Variants in ZNF771 observed in about 807,000 individuals in gnomAD.
The protein encoded by ZNF771 is mesenchymal stem cell protein DSC43.
Under a neutral mutation model 27.6 loss-of-function variants are expected in ZNF771, and 10 were observed. That is an observed-to-expected ratio of 0.36 (90% CI 0.22 to 0.61). ZNF771 has a LOEUF of 0.61. Among genes scored for constraint, ZNF771 ranks in the 20% least tolerant of loss-of-function variants. The pLI, the probability that ZNF771 is intolerant of heterozygous loss-of-function variation, is 0.70. For missense variants in ZNF771, 438 were observed against 503.7 expected (o/e 0.87, Z 1.25); for synonymous variants, 261 against 225.2 (o/e 1.16, Z -1.43).
At chr16:30,407,943 G>A in intron 1 of ZNF771, 102 bp from the exon 2 acceptor site, 1 of 815,000 alleles carries the variant, frequency 1.2e-6, no homozygotes. Flanking sequence ...CAGGGCGGGA[G>A]AAGCCACGGC....
chr16:30,409,405 T>C (rs1001438537), intron 2 of ZNF771, among the ~76,000 whole-genome samples: 1 of 152,126 alleles, frequency 6.6e-6, no homozygotes, highest in Admixed American at 6.6e-5. Context: ...CTGGCTTTTA[T>C]TCTGAGGGTA....
At chr16:30,411,106 G>T (rs2050101626) in intron 2 of ZNF771, among the ~76,000 whole-genome samples, 1 of 151,876 alleles carries the variant, frequency 6.6e-6, no homozygotes, top group East Asian at 1.9e-4. Context: ...ATCACTTGAG[G>T]TCAGGAGTTC....
intron 2 of ZNF771, among the ~76,000 whole-genome samples, chr16:30,415,048 C>T (rs992941079): frequency 6.8e-5 from 10 of 147,438 alleles, no homozygotes; most frequent in Non-Finnish European, 1.5e-4. Flanking sequence ...ACCTCTGCCT[C>T]CCGGGTTCAA....
chr16:30,409,531 G>A (rs2050093194), intron 2 of ZNF771, among the ~76,000 whole-genome samples: 3 of 152,048 alleles, frequency 2.0e-5, no homozygotes, highest in Admixed American at 6.5e-5. Flanking sequence ...CCCCCAGCCT[G>A]AGCAGCCCTG....
rs2050151594 is a variant in ZNF771 at position 30,418,584 on chromosome 16, A to G, written c.*217A>G. The G allele has an allele frequency of 4.4e-6, 2 of 459,710 alleles. No homozygotes were observed. The highest frequency in any genetic ancestry group is 1.1e-4 in the South Asian group (2 of 18,598). 28.5% of individuals were successfully genotyped at this position (459,710 alleles called of 1,614,324 possible). ...CTCGGCCCGTGTTAGTGAATAAAGT[A>G]TTATATCCTCACCCCACCCGTGCCT... On this transcript the variant is annotated 3_prime_UTR_variant, in exon 3 of 3. Transcript: ENST00000319296.
At chr16:30,408,285 C>G (rs752719317) in intron 2 of ZNF771, 91 bp downstream of exon 2, 5 of 1,564,722 alleles carry the variant, frequency 3.2e-6, no homozygotes, top group Non-Finnish European at 4.4e-6. Context: ...CTTGCCCCTA[C>G]TTTTCCCAGA....
chr16:30,416,318 C>G (rs1289746331), intron 2 of ZNF771, among the ~76,000 whole-genome samples: 1 of 152,110 alleles, frequency 6.6e-6, no homozygotes, highest in Non-Finnish European at 1.5e-5. Flanking sequence ...CCAGTCTAGG[C>G]CTCGCTTCTG....
chr16:30,407,861 G>A (rs1318468835), intron 1 of ZNF771, among the ~76,000 whole-genome samples, 184 bp from the exon 2 acceptor site: 1 of 151,598 alleles, frequency 6.6e-6, no homozygotes, highest in Non-Finnish European at 1.5e-5. Context: ...CCTCGGAGCT[G>A]GTCCCGGGGC....
rs2050140508 is a variant in ZNF771, at chr16:30,417,541, C to T, written c.142-14C>T. On this transcript the variant is annotated splice_polypyrimidine_tract_variant and intron_variant, in intron 2 of 2. Transcript: ENST00000319296. The stretch of plus-strand genomic sequence containing the variant: ...CCTGCCGCTAAGGGCTGACCTATCC[C>T]CCTCTCCCCGCAGGTCCCGGGCGAG... The T allele has an allele frequency of 8.2e-7, 1 of 1,215,784 alleles. No homozygotes were observed. The highest frequency in any genetic ancestry group is 1.6e-5 in the African/African-American group (1 of 63,444). The allele number at this position is 1,215,784 out of a possible 1,614,324, so 75.3% of individuals were successfully genotyped here.
At position 30,418,119 on chromosome 16, in the gene ZNF771, T is replaced by C. The variant is rs1253127467; in HGVS notation, c.706T>C (p.Cys236Arg). The C allele has an allele frequency of 6.8e-7, 1 of 1,480,782 alleles. No individual in the cohort carries two copies. Among genetic ancestry groups the C allele is most frequent in the Non-Finnish European group, 8.9e-7 (1 of 1,122,612 alleles). The allele number at this position is 1,480,782 out of a possible 1,614,324, so 91.7% of individuals were successfully genotyped here. A position where few individuals can be genotyped will look rare whatever the true frequency, so the allele number is the denominator to read the frequency against. ...TGEKPHRCAV[C>R]GRRFGHRSNL... Reference sequence around the variant, plus strand: ...CGAGAAGCCGCACCGCTGCGCTGTGTGTGGCCGTCGCTTCGGCCACCGCTC... The same window carrying C: ...CGAGAAGCCGCACCGCTGCGCTGTGCGTGGCCGTCGCTTCGGCCACCGCTC... Residue 236 changes from cysteine to arginine, a missense_variant, in exon 3 of 3, where the codon TGT becomes CGT. Cys to Arg is a radical substitution (Grantham distance 180, BLOSUM62 -3). Around this residue, in one of 3 missense-constraint regions of ZNF771, gnomAD observed 305 missense variants for 308.0 expected, o/e 0.99. Transcript: ENST00000319296.
chr16:30,409,341 C>T (rs1350772323), intron 2 of ZNF771, among the ~76,000 whole-genome samples: 1 of 152,068 alleles, frequency 6.6e-6, no homozygotes, highest in East Asian at 1.9e-4. Flanking sequence ...GTGGGTGGTT[C>T]GGTCATGCTG....
chr16:30,417,804 G>A lies in ZNF771; in HGVS notation c.391G>A (p.Ala131Thr). 2 of 1,486,216 alleles carry A rather than the reference G, an allele frequency of 1.3e-6. No homozygotes were observed. The highest frequency in any genetic ancestry group is 1.5e-5 in the African/African-American group (1 of 67,166). The allele number at this position is 1,486,216 out of a possible 1,614,324, so 92.1% of individuals were successfully genotyped here. A position where few individuals can be genotyped will look rare whatever the true frequency, so the allele number is the denominator to read the frequency against. ...CGAGTGCGACAAACGCTTCTCGGCC[G>A]CCTCGAACCTGCGGCAGCACCGGCG... ...CPECDKRFSA[A>T]SNLRQHRRRH... The change falls in exon 3 of 3, where the codon GCC (alanine) becomes ACC (threonine). Residue 131 changes from alanine to threonine, a missense_variant. Coordinates refer to ENST00000319296, the MANE Select transcript of ZNF771 (RefSeq NM_001142305.2).
intron 2 of ZNF771, 82 bp from the exon 3 acceptor site, chr16:30,417,473 C>A: frequency 1.0e-6 from 1 of 987,216 alleles, no homozygotes; most frequent in Non-Finnish European, 1.3e-6. Flanking sequence ...CTGAGGCTCA[C>A]AGAGGGAGCA....
chr16:30,409,559 T>A (rs1460999067), intron 2 of ZNF771, among the ~76,000 whole-genome samples: 1 of 140,788 alleles, frequency 7.1e-6, no homozygotes, highest in Non-Finnish European at 1.5e-5. Flanking sequence ...GCAGAGGGCT[T>A]TGGCCCCAGG....
intron 2 of ZNF771, among the ~76,000 whole-genome samples, chr16:30,409,443 G>C (rs1295622695): frequency 6.6e-6 from 1 of 152,118 alleles, no homozygotes; most frequent in Non-Finnish European, 1.5e-5. Flanking sequence ...CAGAATATGA[G>C]TTAAATTTCA....
rs1452062770 is a variant in ZNF771, at chr16:30,418,246, G to T, written c.833G>T (p.Arg278Leu). The T allele has an allele frequency of 6.6e-7, 1 of 1,514,902 alleles. No homozygotes were observed. Among genetic ancestry groups the T allele is most frequent in the Non-Finnish European group, 8.8e-7 (1 of 1,138,256 alleles). The allele number at this position is 1,514,902 out of a possible 1,614,324, so 93.8% of individuals were successfully genotyped here. The change falls in exon 3 of 3, where the codon CGA becomes CTA. Residue 278 changes from arginine (R) to leucine (L), a missense_variant. This residue lies in a region of ZNF771 where 305 missense variants were observed against 308.0 expected (regional missense o/e 0.99). Transcript: ENST00000319296. ...FRLSSHFIRH[R>L]RAHMRRRLYI... ...CTAAGCTCGCACTTCATTCGCCACC[G>T]ACGCGCGCACATGCGGCGCCGCCTG...
At chr16:30,411,180 G>A (rs976039157) in intron 2 of ZNF771, among the ~76,000 whole-genome samples, 6 of 152,056 alleles carry the variant, frequency 3.9e-5, no homozygotes, top group African/African-American at 1.4e-4. Flanking sequence ...TTAGCCGGGT[G>A]TGGTGGCACC....
Position 30,418,321 on chromosome 16 carries a change from C to A in ZNF771, c.908C>A (p.Thr303Lys). Residue 303 changes from threonine to lysine, a missense_variant, in exon 3 of 3, where the codon ACG becomes AAG. By Grantham distance (78) the Thr-to-Lys change is moderately conservative. Coordinates refer to ENST00000319296, the MANE Select transcript of ZNF771 (RefSeq NM_001142305.2). ...GRDFKLPPGA[T>K]AATATERCPE... is the part of the protein sequence containing the mutation. ...GACTTCAAGCTGCCCCCTGGCGCCA[C>A]GGCCGCCACTGCCACCGAGCGTTGC... 6.8e-7 allele frequency: 1 copy of A among 1,481,390 alleles called. No homozygotes were observed. Among genetic ancestry groups the A allele is most frequent in the Non-Finnish European group, 8.9e-7 (1 of 1,119,654 alleles). 91.8% of individuals were successfully genotyped at this position (1,481,390 alleles called of 1,614,324 possible).
At chr16:30,408,009 C>T (rs865895343) in intron 1 of ZNF771, 36 bp from the exon 2 acceptor site, 34 of 781,102 alleles carry the variant, frequency 4.4e-5, no homozygotes, top group Non-Finnish European at 5.1e-5. Flanking sequence ...TGGGGGGGGG[C>T]GGGTCCTGAG....
Sources: gnomAD v4.1 joint callset for allele counts (sites outside exome capture counted in the v4.1 genomes callset) on GRCh38, gnomAD v4.1.1 for gene constraint, gnomAD v4.1.1 regional missense constraint, MANE v1.5 for transcripts, NCBI Gene and HGNC (gene_info 2026-07-23, HGNC 2026-07-21) for gene names.